The following DMGDH variants were observed in gnomAD, a reference collection of about 807,000 sequenced individuals.
The protein encoded by DMGDH is dimethylglycine dehydrogenase.
A neutral mutation model predicts 95.2 loss-of-function variants in DMGDH; 76 were observed. That is an observed-to-expected ratio of 0.80 (90% CI 0.66 to 0.97). The LOEUF is 0.97. Among genes scored for constraint, DMGDH ranks in the 50% least tolerant of loss-of-function variants. The pLI is 0.00. For missense variants in DMGDH, 987 were observed against 1,055.0 expected, an observed-to-expected ratio of 0.94 and a Z score of 0.89; for synonymous variants, 345 against 377.6, an observed-to-expected ratio of 0.91 and a Z score of 1.00.
chr5:79,044,402 T>C lies in DMGDH; in HGVS notation c.896A>G (p.Tyr299Cys). 3.7e-6 allele frequency: 6 copies of C among 1,614,220 alleles called. No individual in the cohort carries two copies. Among genetic ancestry groups the C allele is most frequent in the African/African-American group, 1.3e-5 (1 of 75,066 alleles). Residue 299 changes from tyrosine to cysteine, a missense_variant, in exon 6 of 16, where the codon TAT (tyrosine) becomes TGT (cysteine). Transcript: ENST00000255189. ...PVLRDLEGSY[Y>C]LRQERDGLLF... Reference sequence around the variant, plus strand: ...AAGCCCATCCCTTTCCTGTCGGAGATAATATGATCCTTCCAGGTCACGGAG... The same window carrying C: ...AAGCCCATCCCTTTCCTGTCGGAGACAATATGATCCTTCCAGGTCACGGAG...
intron 7 of DMGDH, among the ~76,000 whole-genome samples, chr5:79,039,860 G>A (rs569258393): frequency 1.3e-5 from 2 of 152,244 alleles, no homozygotes; most frequent in South Asian, 4.1e-4. Flanking sequence ...TAGGCATGGG[G>A]TTCAGAGAGC....
At chr5:79,055,201 CAGTT>C (rs2112664158) in intron 3 of DMGDH, among the ~76,000 whole-genome samples, 1 of 152,294 alleles carries the variant, frequency 6.6e-6, no homozygotes, top group African/African-American at 2.4e-5. Flanking sequence ...GAAAAAGAAA[CAGTT>C]GGGACAGCAG....
At chr5:79,007,469 A>G (rs146006003) in intron 14 of DMGDH, among the ~76,000 whole-genome samples, 88 of 151,130 alleles carry the variant, frequency 5.8e-4, no homozygotes, top group African/African-American at 1.8e-3. Context: ...ACTATATCTA[A>G]GAAAGAATTC....
In DMGDH at chr5:79,044,362, A is replaced by C. The variant is rs753062761; in HGVS notation, c.936T>G (p.Tyr312Ter). ...GAACTTTCATTTTCTCTTGACTTTC[A>C]TATGGACCAAACAAAAGCCCATCCC... ...QERDGLLFGP[Y>*]ESQEKMKVQD... The change falls in exon 6 of 16, where the codon TAT becomes TAG. Residue 312 changes from tyrosine to a stop codon, truncating the protein, a stop_gained. Transcript: ENST00000255189. LOFTEE classifies it high-confidence loss of function. 28 of 1,614,214 alleles carry C rather than the reference A, an allele frequency of 1.7e-5. No homozygotes were observed. The African/African-American group carries it at 2.8e-4, about 16-fold the overall frequency.
rs1754213894 is a variant in DMGDH, at chr5:79,032,680, C to T, written c.1517+7G>A. On this transcript the variant is annotated splice_region_variant and intron_variant, in intron 9 of 15. Coordinates refer to ENST00000255189, the MANE Select transcript of DMGDH (RefSeq NM_013391.3). ...AGAACCACAGGCAGGTAAAGTCCTT[C>T]TCCCACCTGTACTGAGTGTCCTGGC... 1 of 1,614,012 alleles carries T rather than the reference C, an allele frequency of 6.2e-7. No individual in the cohort carries two copies. The highest frequency in any genetic ancestry group is 1.3e-5 in the African/African-American group (1 of 74,924).
At chr5:79,020,722 C>T (rs1377496421) in intron 14 of DMGDH, 8 of 983,136 alleles carry the variant, frequency 8.1e-6, no homozygotes, top group African/African-American at 1.8e-5. Context: ...AAGCTCTACA[C>T]GGGGAGAGAG....
At chr5:79,060,642 C>T (rs1254869013) in intron 2 of DMGDH, among the ~76,000 whole-genome samples, 1 of 152,116 alleles carries the variant, frequency 6.6e-6, no homozygotes, top group Non-Finnish European at 1.5e-5. Flanking sequence ...TAATATCAGC[C>T]TGGCGCGGTG....
At chr5:79,044,656 A>G in intron 5 of DMGDH, 104 bp from the exon 6 acceptor site, 1 of 1,308,086 alleles carries the variant, frequency 7.6e-7, no homozygotes, top group Non-Finnish European at 1.1e-6. Flanking sequence ...AGGCTTAAGT[A>G]CTCATGGCAA....
chr5:79,046,054 C>G (rs1274852503), intron 5 of DMGDH, among the ~76,000 whole-genome samples: 1 of 128,654 alleles, frequency 7.8e-6, no homozygotes, highest in African/African-American at 3.0e-5. Flanking sequence ...AGCTATTTGC[C>G]GGTGTTTTGT....
At chr5:79,036,683 A>G (rs532060835) in intron 7 of DMGDH, among the ~76,000 whole-genome samples, 72 of 152,196 alleles carry the variant, frequency 4.7e-4, no homozygotes, top group Non-Finnish European at 1.0e-3. Context: ...AACTGGCTGT[A>G]CCAAGAATTA....
Position 78,998,129 on chromosome 5 carries a change from G to T in DMGDH, c.2554C>A (p.Pro852Thr). ...IIQEPLVLTE[P>T]TRNRLQKKGG... The stretch of plus-strand genomic sequence containing the variant: ...TTTTTCTGAAGCCGGTTTCTGGTTG[G>T]TTCGGTCAATACCAAAGGTTCTTGT... The change falls in exon 16 of 16, where the codon CCA (proline) becomes ACA (threonine). Residue 852 changes from proline to threonine, a missense_variant. By Grantham distance (38) the Pro-to-Thr change is conservative. Transcript: ENST00000255189. 1 of 1,614,166 alleles carries T rather than the reference G, an allele frequency of 6.2e-7. No individual in the cohort carries two copies. The highest frequency in any genetic ancestry group is 8.5e-7 in the Non-Finnish European group (1 of 1,180,036).
intron 14 of DMGDH, chr5:79,021,259 C>T (rs1753860081): frequency 2.0e-6 from 2 of 1,024,050 alleles, no homozygotes; most frequent in Non-Finnish European, 2.3e-6. Flanking sequence ...TTCACAATTA[C>T]GGCTAAGAAC....
intron 14 of DMGDH, among the ~76,000 whole-genome samples, chr5:79,011,851 G>T (rs1561208013): frequency 6.6e-6 from 1 of 152,088 alleles, no homozygotes; most frequent in Non-Finnish European, 1.5e-5. Context: ...TGAGAAATCT[G>T]CCCCCATGAT....
intron 14 of DMGDH, among the ~76,000 whole-genome samples, chr5:79,017,815 GCAAAAC>G (rs1384346227): frequency 6.6e-6 from 1 of 152,156 alleles, no homozygotes; most frequent in Non-Finnish European, 1.5e-5. Flanking sequence ...TTTGCAGGAT[GCAAAAC>G]CCAACTTTTT....
In DMGDH at chr5:79,046,176, T is replaced by C. The variant is rs553713058; in HGVS notation, c.746-1624A>G. On this transcript the variant is annotated intron_variant, in intron 5 of 15. Coordinates refer to ENST00000255189, the MANE Select transcript of DMGDH (RefSeq NM_013391.3). Reference sequence around the variant, plus strand: ...ATCTTGGCTCACTGCAACATCTGCCTCCAGGGTTCAAGCCATTCTCCTGTC... The same window carrying C: ...ATCTTGGCTCACTGCAACATCTGCCCCCAGGGTTCAAGCCATTCTCCTGTC... Among the ~76,000 whole-genome samples the C allele has an allele frequency of 2.0e-5, 3 of 152,270 alleles. No individual in the cohort carries two copies. In the South Asian group the frequency reaches 6.2e-4, roughly 32 times the overall value.
intron 5 of DMGDH, among the ~76,000 whole-genome samples, chr5:79,045,342 C>T (rs1220779266): frequency 6.6e-6 from 1 of 151,818 alleles, no homozygotes; most frequent in African/African-American, 2.4e-5. Context: ...GTTTTATTTG[C>T]GGAGGTGAAT....
intron 7 of DMGDH, among the ~76,000 whole-genome samples, chr5:79,039,674 T>A (rs1754450976): frequency 1.3e-5 from 2 of 151,970 alleles, no homozygotes; most frequent in Non-Finnish European, 2.9e-5. Context: ...AACCTGCACA[T>A]TGTGCACATG....
intron 12 of DMGDH, among the ~76,000 whole-genome samples, chr5:79,026,956 C>T (rs146625347): frequency 1.7e-4 from 26 of 152,242 alleles, no homozygotes; most frequent in African/African-American, 4.3e-4. Context: ...ATCAGGGCAA[C>T]GAGTTCAAGG....
rs1561232497 is a variant in DMGDH at position 79,063,611 on chromosome 5, A to C, written c.276+2T>G. On this transcript the variant is annotated splice_donor_variant, in intron 2 of 15. Coordinates refer to ENST00000255189, the MANE Select transcript of DMGDH (RefSeq NM_013391.3). LOFTEE classifies it high-confidence loss of function. The stretch of plus-strand genomic sequence containing the variant: ...TATGACAGTTTGGGGTGCTTTTCTT[A>C]CTGCGTGCCAGGTAGATCCAGCCGT... 1 of 1,614,168 alleles carries C rather than the reference A, an allele frequency of 6.2e-7. No individual in the cohort carries two copies. Among genetic ancestry groups the C allele is most frequent in the South Asian group, 1.1e-5 (1 of 91,082 alleles).
Sources: allele counts gnomAD v4.1 joint callset (sites outside exome capture counted in the v4.1 genomes callset), GRCh38; gene constraint gnomAD v4.1.1; transcripts MANE v1.5; gene names NCBI Gene and HGNC (gene_info 2026-07-23, HGNC 2026-07-21).